STRN: variants seen among roughly 807,000 people sequenced by gnomAD.
STRN encodes striatin.
STRN carries 53 observed loss-of-function variants against 96.3 expected under a neutral mutation model. The observed-to-expected ratio is 0.55, with a 90% CI of 0.44 to 0.69. The LOEUF is 0.69. STRN is among the 30% of genes least tolerant of loss of function. The pLI, the probability that STRN is intolerant of heterozygous loss-of-function variation, is 0.00. For missense variants in STRN, 987 were observed against 963.9 expected, an observed-to-expected ratio of 1.02 and a Z score of -0.32; for synonymous variants, 428 against 355.9, an observed-to-expected ratio of 1.20 and a Z score of -2.28.
In STRN at chr2:36,846,743, T is replaced by C. The variant is rs1373037155; in HGVS notation, c.*2713A>G. On this transcript the variant is annotated 3_prime_UTR_variant, in exon 18 of 18. Coordinates refer to ENST00000263918, the MANE Select transcript of STRN (RefSeq NM_003162.4). ...TAGAAAAATACTGAAGGTCATTATA[T>C]CACTTTTGTTAAATAATCTGTCTAT... 1 of 151,954 alleles carries C rather than the reference T, an allele frequency of 6.6e-6. No individual in the cohort carries two copies. The highest frequency in any genetic ancestry group is 1.5e-5 in the Non-Finnish European group (1 of 67,984). The allele number at this position is 151,954 out of a possible 1,614,324, so 9.4% of individuals were successfully genotyped here.
intron 5 of STRN, among the ~76,000 whole-genome samples, chr2:36,901,091 T>G (rs2148198024): frequency 6.6e-6 from 1 of 152,164 alleles, no homozygotes; most frequent in African/African-American, 2.4e-5. Flanking sequence ...CAGCTTTGTG[T>G]TTGGTATTAC....
chr2:36,963,655 TG>T (rs1347090338), intron 1 of STRN, among the ~76,000 whole-genome samples: 1 of 152,128 alleles, frequency 6.6e-6, no homozygotes, highest in African/African-American at 2.4e-5. Context: ...CAGAAAATGC[TG>T]TCAAAAAAGT....
intron 13 of STRN, among the ~76,000 whole-genome samples, chr2:36,859,408 T>C (rs976741217): frequency 6.6e-6 from 1 of 152,066 alleles, no homozygotes; most frequent in African/African-American, 2.4e-5. Context: ...AATTAGTAAG[T>C]GGGGACAGTG....
intron 2 of STRN, among the ~76,000 whole-genome samples, chr2:36,924,892 A>T (rs547692665): frequency 1.3e-5 from 2 of 152,302 alleles, no homozygotes; most frequent in African/African-American, 4.8e-5. Context: ...CCATGACTCT[A>T]CTAAAAATAC....
intron 1 of STRN, among the ~76,000 whole-genome samples, chr2:36,955,383 AG>A (rs1164953195): frequency 1.3e-5 from 2 of 152,250 alleles, no homozygotes; most frequent in Non-Finnish European, 2.9e-5. Context: ...ATCGAGAGGG[AG>A]GAGGGCAGTG....
intron 9 of STRN, among the ~76,000 whole-genome samples, chr2:36,881,874 AT>A (rs1285844211): frequency 6.6e-6 from 1 of 152,222 alleles, no homozygotes; most frequent in Non-Finnish European, 1.5e-5. Context: ...TCTAGACCTG[AT>A]TTTGGGATTA....
At chr2:36,854,462 C>T (rs925356565) in intron 15 of STRN, among the ~76,000 whole-genome samples, 25 of 152,046 alleles carry the variant, frequency 1.6e-4, no homozygotes, top group African/African-American at 6.0e-4. Context: ...ATGAAAACCA[C>T]AAAGGAATAA....
At chr2:36,893,629 C>A (rs1343056182) in intron 7 of STRN, among the ~76,000 whole-genome samples, 1 of 152,168 alleles carries the variant, frequency 6.6e-6, no homozygotes, top group Admixed American at 6.5e-5. Flanking sequence ...GTTCCACTGT[C>A]TAAACAGAAA....
At chr2:36,908,020 C>A (rs1669867203) in intron 3 of STRN, among the ~76,000 whole-genome samples, 1 of 152,024 alleles carries the variant, frequency 6.6e-6, no homozygotes, top group Non-Finnish European at 1.5e-5. Context: ...AAGAAGGGAG[C>A]AAAAACGCTG....
chr2:36,945,318 T>C (rs985717829), intron 1 of STRN, among the ~76,000 whole-genome samples: 2 of 152,234 alleles, frequency 1.3e-5, no homozygotes, highest in African/African-American at 2.4e-5. Flanking sequence ...GAGAACTTAA[T>C]TCTCTGTACC....
At chr2:36,855,441 T>C (rs755161429) in intron 14 of STRN, 89 bp from the exon 15 acceptor site, 562 of 1,387,700 alleles carry the variant, frequency 4.0e-4, no homozygotes, top group Non-Finnish European at 5.4e-4. Flanking sequence ...AATGGCATGG[T>C]TTCCTTAAGA....
chr2:36,904,406 TA>T (rs1669765008), intron 4 of STRN, among the ~76,000 whole-genome samples: 1 of 152,170 alleles, frequency 6.6e-6, no homozygotes, highest in South Asian at 2.1e-4. Context: ...CAAATCTGAA[TA>T]TGAGTTTCAA....
chr2:36,851,063 T>C lies in STRN; in HGVS notation c.2023A>G (p.Thr675Ala). 2.5e-6 allele frequency: 4 copies of C among 1,613,190 alleles called. No homozygotes were observed. Among genetic ancestry groups the C allele is most frequent in the Non-Finnish European group, 2.5e-6 (3 of 1,179,726 alleles). Residue 675 changes from threonine to alanine, a missense_variant, in exon 16 of 18, where the codon ACT becomes GCT. Transcript: ENST00000263918. ...CQINRVISHP[T>A]LPISITAHED... ...TGAGCAGTGATGCTGATCGGAAGAGTAGGATGACTGATGACTCTATTTATT... is the reference window on the plus strand; with the variant it reads ...TGAGCAGTGATGCTGATCGGAAGAGCAGGATGACTGATGACTCTATTTATT...
At chr2:36,917,423 A>C (rs1292113709) in intron 2 of STRN, among the ~76,000 whole-genome samples, 1 of 151,778 alleles carries the variant, frequency 6.6e-6, no homozygotes, top group Non-Finnish European at 1.5e-5. Context: ...CGGGAGGCTA[A>C]GGTGGGAGAA....
chr2:36,907,545 C>T (rs889273837), intron 3 of STRN, among the ~76,000 whole-genome samples: 2 of 150,406 alleles, frequency 1.3e-5, no homozygotes, highest in Non-Finnish European at 3.0e-5. Flanking sequence ...AAGACTCTGT[C>T]TCAAAAAAAA....
At chr2:36,903,338 C>G (rs1669738497) in intron 4 of STRN, among the ~76,000 whole-genome samples, 1 of 152,176 alleles carries the variant, frequency 6.6e-6, no homozygotes, top group Admixed American at 6.6e-5. Flanking sequence ...AAAAAAAGAG[C>G]AAAGGCTTTG....
At chr2:36,891,664 C>T (rs915632343) in intron 7 of STRN, among the ~76,000 whole-genome samples, 5 of 152,084 alleles carry the variant, frequency 3.3e-5, no homozygotes, top group African/African-American at 1.2e-4. Context: ...TGGGATTGTT[C>T]AATATTTACA....
At chr2:36,851,827 T>C (rs1474691817) in intron 15 of STRN, among the ~76,000 whole-genome samples, 2 of 152,210 alleles carry the variant, frequency 1.3e-5, no homozygotes, top group South Asian at 2.1e-4. Flanking sequence ...AAGATATATA[T>C]GACAAAGAGG....
At chr2:36,872,794 G>A (rs948503217) in intron 10 of STRN, among the ~76,000 whole-genome samples, 9 of 152,058 alleles carry the variant, frequency 5.9e-5, no homozygotes, top group African/African-American at 1.9e-4. Context: ...TCTAGCCATG[G>A]CAAATCAGGA....
Sources: allele counts gnomAD v4.1 joint callset (sites outside exome capture counted in the v4.1 genomes callset), GRCh38; gene constraint gnomAD v4.1.1; transcripts MANE v1.5; gene names NCBI Gene and HGNC (gene_info 2026-07-23, HGNC 2026-07-21).